KIF26B: variants seen among roughly 807,000 people sequenced by gnomAD.
KIF26B encodes the protein kinesin family member 26B, also known as kinesin-like protein KIF26B.
Under a neutral mutation model 151.2 loss-of-function variants are expected in KIF26B, and 63 were observed. The observed-to-expected ratio is 0.42, with a 90% CI of 0.34 to 0.51. KIF26B has a LOEUF of 0.51. Among genes scored for constraint, KIF26B ranks in the 20% least tolerant of loss-of-function variants. The pLI is 0.07. For missense variants in KIF26B, 2,813 were observed against 2,913.6 expected (o/e 0.97, Z 0.79); for synonymous variants, 1,357 against 1,262.1 (o/e 1.08, Z -1.59).
intron 2 of KIF26B, among the ~76,000 whole-genome samples, chr1:245,311,253 G>A (rs1019447424): frequency 6.6e-6 from 1 of 152,228 alleles, no homozygotes; most frequent in East Asian, 1.9e-4. Context: ...ATGGAGCAGT[G>A]GCCACTATCT....
chr1:245,235,031 G>A (rs1481700688), intron 2 of KIF26B, among the ~76,000 whole-genome samples: 10 of 152,138 alleles, frequency 6.6e-5, no homozygotes, highest in Admixed American at 4.6e-4. Context: ...GGAGCTGAGA[G>A]TGTCAACTGA....
At chr1:245,588,621 A>G (rs1008227566) in intron 5 of KIF26B, among the ~76,000 whole-genome samples, 2 of 152,188 alleles carry the variant, frequency 1.3e-5, no homozygotes, top group African/African-American at 4.8e-5. Flanking sequence ...CTAAGCAGAG[A>G]ATTAAAGTTG....
chr1:245,688,485 G>A lies in KIF26B; in HGVS notation c.5502G>A (p.Gly1834=), dbSNP rs1222328357. 2.3e-5 allele frequency: 33 copies of A among 1,426,774 alleles called. No individual in the cohort carries two copies. Among genetic ancestry groups the A allele is most frequent in the Admixed American group, 8.9e-5 (3 of 33,820 alleles). 88.4% of individuals were successfully genotyped at this position (1,426,774 alleles called of 1,614,324 possible). ...RAGPEAEARG[G]ALAEDEPAAA... ...GGCCCGAGGCGGAGGCGCGCGGGGG[G>A]GCCCTGGCCGAGGACGAGCCCGCGG... Residue 1834 remains glycine (G), a synonymous_variant, in exon 12 of 15, where the codon GGG becomes GGA. Coordinates refer to ENST00000407071, the MANE Select transcript of KIF26B (RefSeq NM_018012.4).
intron 3 of KIF26B, among the ~76,000 whole-genome samples, chr1:245,380,474 A>G (rs1673380902): frequency 6.6e-6 from 1 of 152,186 alleles, no homozygotes; most frequent in Admixed American, 6.5e-5. Flanking sequence ...CTGCGTCGCC[A>G]GGGAGGTTGA....
intron 5 of KIF26B, among the ~76,000 whole-genome samples, chr1:245,594,003 G>A (rs531449177): frequency 6.4e-4 from 97 of 151,996 alleles, no homozygotes; most frequent in African/African-American, 2.0e-3. Context: ...TCCTTCTCCC[G>A]CTTTTTGATG....
intron 3 of KIF26B, among the ~76,000 whole-genome samples, chr1:245,403,152 T>C (rs371227821): frequency 6.6e-6 from 1 of 152,014 alleles, no homozygotes; most frequent in South Asian, 2.1e-4. Flanking sequence ...AAAAAATTTT[T>C]TGTAGAGATG....
rs145100065 is a variant in KIF26B at position 245,563,744 on chromosome 1, T to TTTAGATTTAGATTAGATA, written c.1350+22795_1350+22796insTAGATTTAGATTAGATAT. Among the ~76,000 whole-genome samples the TTTAGATTTAGATTAGATA allele has an allele frequency of 0.089, 11,781 of 132,460 alleles. 708 individuals are homozygous for TTTAGATTTAGATTAGATA. The highest frequency in any genetic ancestry group is 0.28 in the East Asian group (1,443 of 5,138). The allele number at this position is 132,460 out of a possible 152,430, so 86.9% of individuals were successfully genotyped here. ...TACACCTTTTCTATGTTTAGGTATG[T>TTTAGATTTAGATTAGATA]TGTTTAGATTTAGAATATGTAACGC... On this transcript the variant is annotated intron_variant, in intron 5 of 14. Coordinates refer to ENST00000407071, the MANE Select transcript of KIF26B (RefSeq NM_018012.4). This position sits in a 1 kb window ranked among gnomAD's most constrained non-coding sequence, Gnocchi z 4.6.
At chr1:245,587,217 T>C (rs916737057) in intron 5 of KIF26B, among the ~76,000 whole-genome samples, 8 of 152,136 alleles carry the variant, frequency 5.3e-5, no homozygotes, top group African/African-American at 1.9e-4. Flanking sequence ...TTATGAAATC[T>C]TTCCTGGCCC....
At chr1:245,478,605 A>G (rs1660094637) in intron 4 of KIF26B, among the ~76,000 whole-genome samples, 1 of 151,460 alleles carries the variant, frequency 6.6e-6, no homozygotes, top group African/African-American at 2.4e-5. Flanking sequence ...TGTAGTACAG[A>G]TGGGGTTTCA....
At position 245,417,196 on chromosome 1, in the gene KIF26B, GAT is replaced by G. The variant is rs762132141; in HGVS notation, c.1000-2381_1000-2380del. On this transcript the variant is annotated intron_variant, in intron 3 of 14. Transcript: ENST00000407071. ...TTTTTTTTTAGAAAATATTTTCTAA[GAT>G]AAAAAATGCTAACATTTGTGAATAG... Among the ~76,000 whole-genome samples, 108 of 152,180 alleles carry G rather than the reference GAT, an allele frequency of 7.1e-4. 2 individuals are homozygous for G. The South Asian group carries it at 7.7e-3, about 11-fold the overall frequency.
At chr1:245,524,678 C>T (rs1661199369) in intron 4 of KIF26B, among the ~76,000 whole-genome samples, 1 of 152,136 alleles carries the variant, frequency 6.6e-6, no homozygotes, top group Non-Finnish European at 1.5e-5. Context: ...CTATAAAAAA[C>T]AAAGCCATAT....
intron 2 of KIF26B, among the ~76,000 whole-genome samples, chr1:245,252,349 T>A: frequency 6.6e-6 from 1 of 152,118 alleles, no homozygotes; most frequent in East Asian, 1.9e-4. Flanking sequence ...TCTTCATTCA[T>A]GTATGTTTTC....
At chr1:245,316,004 T>G (rs1489600934) in intron 2 of KIF26B, among the ~76,000 whole-genome samples, 1 of 152,154 alleles carries the variant, frequency 6.6e-6, no homozygotes, top group Non-Finnish European at 1.5e-5. Context: ...AAGGAAGTCC[T>G]CAGAACACAG....
chr1:245,215,253 C>T (rs762366929), intron 2 of KIF26B, among the ~76,000 whole-genome samples: 2 of 152,122 alleles, frequency 1.3e-5, no homozygotes, highest in Non-Finnish European at 2.9e-5. Flanking sequence ...ACTCTCAGGG[C>T]CCGGCTCCTT....
chr1:245,685,774 G>A lies in KIF26B; in HGVS notation c.2791G>A (p.Glu931Lys). 6.2e-7 allele frequency: 1 copy of A among 1,612,038 alleles called. No individual in the cohort carries two copies. The highest frequency in any genetic ancestry group is 8.5e-7 in the Non-Finnish European group (1 of 1,179,184). The change falls in exon 12 of 15, where the codon GAG becomes AAG. Residue 931 changes from glutamate to lysine, a missense_variant. Glu to Lys is a moderately conservative substitution (Grantham distance 56). This residue lies in a region of KIF26B where 2,060 missense variants were observed against 2,088.6 expected (regional missense o/e 0.99). Transcript: ENST00000407071. ...GTGCAACACGTTTGCCGAGCTGCAG[G>A]AGAGGCTGGACTGCATCGACGGCAG... is the stretch of plus-strand genomic sequence containing the variant. ...LKCNTFAELQERLDCIDGSEE... is the reference protein window; with the variant it reads ...LKCNTFAELQKRLDCIDGSEE...
Position 245,495,257 on chromosome 1 carries a change from T to C in KIF26B, c.1167-45510T>C, listed in dbSNP as rs1486115119. On this transcript the variant is annotated intron_variant, in intron 4 of 14. Coordinates refer to ENST00000407071, the MANE Select transcript of KIF26B (RefSeq NM_018012.4). The surrounding 1 kb of genome is among the most constrained non-coding windows in gnomAD (Gnocchi z 4.2). ...TACAGAAAAGAGCAGAAGAGACATATGGAACACATGTAACATATAATTGAA... is the reference window on the plus strand; with the variant it reads ...TACAGAAAAGAGCAGAAGAGACATACGGAACACATGTAACATATAATTGAA... Among the ~76,000 whole-genome samples the C allele has an allele frequency of 1.3e-5, 2 of 151,986 alleles. No individual in the cohort carries two copies. Among genetic ancestry groups the C allele is most frequent in the East Asian group, 3.9e-4 (2 of 5,174 alleles).
chr1:245,315,831 G>A (rs1671761606), intron 2 of KIF26B, among the ~76,000 whole-genome samples: 1 of 152,168 alleles, frequency 6.6e-6, no homozygotes, highest in Non-Finnish European at 1.5e-5. Flanking sequence ...GATGGAGGCT[G>A]CAGTAAGCCG....
At chr1:245,285,541 T>C (rs1671150385) in intron 2 of KIF26B, among the ~76,000 whole-genome samples, 1 of 152,052 alleles carries the variant, frequency 6.6e-6, no homozygotes, top group Non-Finnish European at 1.5e-5. Flanking sequence ...TCTCAAACGT[T>C]TACATTTCCT....
intron 9 of KIF26B, among the ~76,000 whole-genome samples, chr1:245,614,236 G>A (rs1037842703): frequency 6.6e-6 from 1 of 152,222 alleles, no homozygotes; most frequent in East Asian, 1.9e-4. Flanking sequence ...GTACAGTGGC[G>A]TGATCTCGGC....
Sources: allele counts gnomAD v4.1 joint callset (sites outside exome capture counted in the v4.1 genomes callset), GRCh38; gene constraint gnomAD v4.1.1; regional missense constraint gnomAD v4.1.1; non-coding constraint Gnocchi (gnomAD v3.1); transcripts MANE v1.5; gene names NCBI Gene and HGNC (gene_info 2026-07-23, HGNC 2026-07-21).